The following KIAA1328 variants were observed in gnomAD, a reference collection of about 807,000 sequenced individuals.
The protein encoded by KIAA1328 is protein hinderin.
KIAA1328 carries 52 observed loss-of-function variants against 68.1 expected under a neutral mutation model. The ratio of observed to expected loss-of-function variants is 0.76; its 90% CI spans 0.61 to 0.96. KIAA1328 has a LOEUF of 0.96. Among genes scored for constraint, KIAA1328 ranks in the 40% least tolerant of loss-of-function variants. The pLI is 0.00. For missense variants in KIAA1328, 641 were observed against 677.6 expected, an observed-to-expected ratio of 0.95 and a Z score of 0.60; for synonymous variants, 232 against 239.4, an observed-to-expected ratio of 0.97 and a Z score of 0.28.
At chr18:36,936,408 G>A (rs545483436) in intron 5 of KIAA1328, among the ~76,000 whole-genome samples, 42 of 152,234 alleles carry the variant, frequency 2.8e-4, no homozygotes, top group African/African-American at 9.6e-4. Context: ...AGTTTGCTGA[G>A]GATGATGGCT....
chr18:36,932,308 G>A (rs1362239939), intron 5 of KIAA1328, among the ~76,000 whole-genome samples: 2 of 152,064 alleles, frequency 1.3e-5, no homozygotes, highest in African/African-American at 2.4e-5. Context: ...TTGCAGCCTC[G>A]ACCTCCCTGG....
chr18:37,173,781 C>G (rs1019656927), intron 9 of KIAA1328, among the ~76,000 whole-genome samples: 2 of 152,158 alleles, frequency 1.3e-5, no homozygotes, highest in African/African-American at 2.4e-5. Context: ...AATTACAAGT[C>G]TCAAGTCTGA....
At chr18:37,134,726 A>G (rs1380551329) in intron 7 of KIAA1328, among the ~76,000 whole-genome samples, 8 of 152,194 alleles carry the variant, frequency 5.3e-5, no homozygotes, top group Non-Finnish European at 8.8e-5. Context: ...TTTATTTTAG[A>G]TTCAGGGGCA....
chr18:37,066,731 C>A, intron 6 of KIAA1328, 159 bp from the exon 7 acceptor site: 1 of 633,114 alleles, frequency 1.6e-6, no homozygotes, highest in Non-Finnish European at 2.6e-6. Context: ...AGCTTTGGGG[C>A]ACAAGTCTGT....
At chr18:37,168,768 T>C (rs892232159) in intron 8 of KIAA1328, among the ~76,000 whole-genome samples, 4 of 152,214 alleles carry the variant, frequency 2.6e-5, no homozygotes, top group Admixed American at 2.0e-4. Flanking sequence ...TGGATATTGG[T>C]ATTGTATCTG....
intron 7 of KIAA1328, among the ~76,000 whole-genome samples, chr18:37,102,635 G>A (rs537677019): frequency 1.3e-5 from 2 of 152,258 alleles, no homozygotes; most frequent in South Asian, 4.1e-4. Flanking sequence ...ACCAAATGGG[G>A]AAAAGCTGAA....
At chr18:37,004,130 G>T (rs575491701) in intron 6 of KIAA1328, among the ~76,000 whole-genome samples, 1 of 151,942 alleles carries the variant, frequency 6.6e-6, no homozygotes, top group Non-Finnish European at 1.5e-5. Context: ...AAGAATGATG[G>T]TGGTGTTTTG....
chr18:37,188,102 A>G (rs1349994646), intron 9 of KIAA1328, among the ~76,000 whole-genome samples: 3 of 152,206 alleles, frequency 2.0e-5, no homozygotes, highest in Non-Finnish European at 4.4e-5. Flanking sequence ...GAAAGTATGG[A>G]CTTTCACTCG....
intron 3 of KIAA1328, among the ~76,000 whole-genome samples, chr18:36,842,680 T>TA (rs2046898825): frequency 6.6e-6 from 1 of 152,108 alleles, no homozygotes; most frequent in Non-Finnish European, 1.5e-5. Context: ...ATTTATTTTT[T>TA]TTTTTTTGCC....
At chr18:36,875,424 A>T (rs2048087256) in intron 4 of KIAA1328, among the ~76,000 whole-genome samples, 2 of 152,150 alleles carry the variant, frequency 1.3e-5, no homozygotes, top group African/African-American at 4.8e-5. Context: ...TTCTCTTTGT[A>T]GCAATGGTGA....
At chr18:37,071,870 C>G (rs988944671) in intron 7 of KIAA1328, among the ~76,000 whole-genome samples, 15 of 152,082 alleles carry the variant, frequency 9.9e-5, no homozygotes, top group African/African-American at 3.6e-4. Context: ...CTTACCCTCC[C>G]CCATTTATAA....
intron 7 of KIAA1328, among the ~76,000 whole-genome samples, chr18:37,087,918 T>C (rs1271434863): frequency 6.6e-6 from 1 of 152,194 alleles, no homozygotes; most frequent in Non-Finnish European, 1.5e-5. Flanking sequence ...TTCAGGGTCA[T>C]TCTTTTTCAG....
Position 36,959,393 on chromosome 18 carries a change from GTC to G in KIAA1328, c.541_542del (p.Ser181ArgfsTer6). ...CAGAACAACAGGAGAAGCTCACCAT[GTC>G]TCTCTCAGAACTTGGTGCTGCTAGA... ...LSEQQEKLTMSLSELGAARMQ... is the reference protein window; with the variant it reads ...LSEQQEKLTMXLSELGAARMQ... On this transcript the variant is annotated frameshift_variant, in exon 6 of 10. Transcript: ENST00000280020. LOFTEE classifies it high-confidence loss of function. 1 of 1,609,638 alleles carries G rather than the reference GTC, an allele frequency of 6.2e-7. No individual in the cohort carries two copies. The highest frequency in any genetic ancestry group is 1.1e-5 in the South Asian group (1 of 89,824).
intron 5 of KIAA1328, chr18:36,895,915 A>G (rs1415356625): frequency 2.6e-6 from 1 of 379,298 alleles, no homozygotes; most frequent in Non-Finnish European, 5.3e-6. Flanking sequence ...AGAAGCCTGA[A>G]AGCCAAGAGA....
intron 6 of KIAA1328, among the ~76,000 whole-genome samples, chr18:36,995,301 G>A (rs1381543609): frequency 6.6e-6 from 1 of 152,190 alleles, no homozygotes; most frequent in East Asian, 1.9e-4. Context: ...CCCTTTTTAT[G>A]GCTGCATAGT....
intron 5 of KIAA1328, among the ~76,000 whole-genome samples, chr18:36,943,877 C>A (rs2050799263): frequency 6.6e-6 from 1 of 152,046 alleles, no homozygotes; most frequent in South Asian, 2.1e-4. Context: ...AGATATTATT[C>A]TCTGGTAAAG....
Position 37,223,250 on chromosome 18 carries a change from T to C in KIAA1328, c.*1023T>C, listed in dbSNP as rs1455915049. On this transcript the variant is annotated 3_prime_UTR_variant, in exon 10 of 10. Coordinates refer to ENST00000280020, the MANE Select transcript of KIAA1328 (RefSeq NM_020776.3). ...CTCTGCTCGTGGCCCCAAAGAACCA[T>C]CTCTACTTGCCAGAGTATGTTCCAC... 9.1e-6 allele frequency: 9 copies of C among 985,192 alleles called. No homozygotes were observed. The highest frequency in any genetic ancestry group is 1.1e-5 in the Non-Finnish European group (9 of 829,930). The allele number at this position is 985,192 out of a possible 1,614,324, so 61.0% of individuals were successfully genotyped here.
At chr18:36,836,935 A>C (rs2046694906) in intron 3 of KIAA1328, among the ~76,000 whole-genome samples, 1 of 152,120 alleles carries the variant, frequency 6.6e-6, no homozygotes, top group Non-Finnish European at 1.5e-5. Context: ...AATGATTTCA[A>C]GGTTCATCTA....
intron 7 of KIAA1328, among the ~76,000 whole-genome samples, chr18:37,155,766 G>A (rs1349175623): frequency 6.6e-6 from 1 of 152,166 alleles, no homozygotes; most frequent in Non-Finnish European, 1.5e-5. Flanking sequence ...GACCTGCCCT[G>A]TCTTACCTGC....
Sources: allele counts gnomAD v4.1 joint callset (sites outside exome capture counted in the v4.1 genomes callset), GRCh38; gene constraint gnomAD v4.1.1; transcripts MANE v1.5; gene names NCBI Gene and HGNC (gene_info 2026-07-23, HGNC 2026-07-21).